Variants in RGS7 observed in about 807,000 individuals in gnomAD.
RGS7 encodes regulator of G protein signaling 7.
A neutral mutation model predicts 81.1 loss-of-function variants in RGS7; 27 were observed. That is an observed-to-expected ratio of 0.33 (90% confidence interval 0.25 to 0.46). RGS7 has a LOEUF of 0.46. Among genes scored for constraint, RGS7 ranks in the 20% least tolerant of loss-of-function variants. The probability of loss-of-function intolerance (pLI) is 1.00; values close to 1 mark genes in which losing one functional copy is unlikely to be tolerated. For missense variants in RGS7, 396 were observed against 607.4 expected, an observed-to-expected ratio of 0.65 and a Z score of 3.66; for synonymous variants, 208 against 207.7, an observed-to-expected ratio of 1.00 and a Z score of -0.01.
At chr1:241,275,897 A>C (rs1217039128) in intron 2 of RGS7, among the ~76,000 whole-genome samples, 1 of 152,256 alleles carries the variant, frequency 6.6e-6, no homozygotes, top group African/African-American at 2.4e-5. Flanking sequence ...GAGGTCTGGC[A>C]GCTGAGGCAA....
At chr1:241,079,323 C>A (rs2063004115) in intron 3 of RGS7, among the ~76,000 whole-genome samples, 1 of 152,148 alleles carries the variant, frequency 6.6e-6, no homozygotes, top group Non-Finnish European at 1.5e-5. Context: ...GTGTGCCAAA[C>A]ACTGATTACT....
At chr1:241,043,091 C>G (rs1391647582) in intron 3 of RGS7, among the ~76,000 whole-genome samples, 1 of 151,806 alleles carries the variant, frequency 6.6e-6, no homozygotes, top group African/African-American at 2.4e-5. Context: ...GCTCAAATGA[C>G]TTTAATCTCA....
At chr1:241,126,056 C>G (rs1415377007) in intron 2 of RGS7, among the ~76,000 whole-genome samples, 1 of 152,050 alleles carries the variant, frequency 6.6e-6, no homozygotes, top group African/African-American at 2.4e-5. Context: ...TAGAAGATAA[C>G]GTTGCCTTAC....
chr1:241,140,994 A>ACAATTCCCACCACCTT (rs1211541695), intron 2 of RGS7, among the ~76,000 whole-genome samples: 48 of 152,250 alleles, frequency 3.2e-4, no homozygotes, highest in African/African-American at 1.1e-3. Flanking sequence ...GCAGTAGGAG[A>ACAATTCCCACCACCTT]CAATTCCCAC....
intron 4 of RGS7, among the ~76,000 whole-genome samples, chr1:240,961,432 G>C (rs1033020856): frequency 2.0e-5 from 3 of 152,082 alleles, no homozygotes; most frequent in Non-Finnish European, 2.9e-5. Context: ...TCTATTATCA[G>C]GGAGCTCAAT....
intron 2 of RGS7, among the ~76,000 whole-genome samples, chr1:241,157,944 G>A (rs1173096575): frequency 1.3e-5 from 2 of 151,068 alleles, no homozygotes; most frequent in Admixed American, 6.6e-5. Context: ...AGCCTCCCGA[G>A]TAGGTGTGAC....
chr1:240,887,094 C>T (rs568619755), intron 6 of RGS7, among the ~76,000 whole-genome samples: 23 of 152,022 alleles, frequency 1.5e-4, no homozygotes, highest in East Asian at 3.9e-4. Context: ...TAACTACAGA[C>T]GGAAAGTAAT....
chr1:240,869,099 T>C (rs561339370), intron 7 of RGS7, among the ~76,000 whole-genome samples: 2 of 152,262 alleles, frequency 1.3e-5, no homozygotes, highest in South Asian at 4.1e-4. Flanking sequence ...AGAACAGGAC[T>C]ACAAACCCAA....
intron 2 of RGS7, among the ~76,000 whole-genome samples, chr1:241,197,949 C>A (rs866258155): frequency 6.6e-6 from 1 of 151,568 alleles, no homozygotes; most frequent in South Asian, 2.1e-4. Flanking sequence ...ATCTATCTAT[C>A]TATCTATCTA....
At chr1:241,065,050 T>C (rs1472784827) in intron 3 of RGS7, among the ~76,000 whole-genome samples, 2 of 152,112 alleles carry the variant, frequency 1.3e-5, no homozygotes, top group Non-Finnish European at 2.9e-5. Flanking sequence ...AGAGAAACCA[T>C]GGATTTTAGA....
intron 2 of RGS7, among the ~76,000 whole-genome samples, chr1:241,177,493 T>A (rs941154516): frequency 1.3e-5 from 2 of 152,150 alleles, no homozygotes; most frequent in African/African-American, 4.8e-5. Context: ...AATTTGGGTT[T>A]TATTGTAAAT....
At chr1:241,175,331 G>A in intron 2 of RGS7, among the ~76,000 whole-genome samples, 1 of 152,164 alleles carries the variant, frequency 6.6e-6, no homozygotes, top group Non-Finnish European at 1.5e-5. Context: ...GAAGTCAGTG[G>A]TGGGAGATGA....
intron 2 of RGS7, among the ~76,000 whole-genome samples, chr1:241,156,621 T>C (rs2069177412): frequency 6.8e-6 from 1 of 146,276 alleles, no homozygotes; most frequent in African/African-American, 2.5e-5. Context: ...GGAGGGGAAA[T>C]CCCTTCACCG....
chr1:241,263,409 A>G (rs2077435943), intron 2 of RGS7, among the ~76,000 whole-genome samples: 1 of 152,170 alleles, frequency 6.6e-6, no homozygotes, highest in African/African-American at 2.4e-5. Context: ...CCGGTTAGGA[A>G]CTTATATTTT....
intron 2 of RGS7, among the ~76,000 whole-genome samples, chr1:241,122,785 A>G (rs888843395): frequency 2.0e-5 from 3 of 152,188 alleles, no homozygotes; most frequent in African/African-American, 7.2e-5. Context: ...TCTAAGACAA[A>G]GCCTATTTTA....
intron 11 of RGS7, 29 bp from the exon 12 acceptor site, chr1:240,814,806 A>G: frequency 7.4e-7 from 1 of 1,355,818 alleles, no homozygotes; most frequent in East Asian, 2.3e-5. Flanking sequence ...AAGGAGTTAC[A>G]TAAGTAATGA....
At chr1:241,259,650 C>CAAAAAAAAAAA (rs71571832) in intron 2 of RGS7, among the ~76,000 whole-genome samples, 43 of 39,888 alleles carry the variant, frequency 1.1e-3, no homozygotes, top group African/African-American at 4.5e-3. Context: ...AACTCCGTCT[C>CAAAAAAAAAAA]AAAAAAAAAA....
rs2077914917 is a variant in RGS7, at chr1:241,271,878, T to G, written c.78+83821A>C. ...CTCCACAATCACACAAGCCAAATCT[T>G]TATAACGTGTGTGTGTGTGTGTGTG... On this transcript the variant is annotated intron_variant, in intron 2 of 18. Coordinates refer to ENST00000440928, the MANE Select transcript of RGS7 (RefSeq NM_001364886.1). The surrounding 1 kb of genome is among the most constrained non-coding windows in gnomAD (Gnocchi z 4.6). 1.5e-5 allele frequency among the ~76,000 whole-genome samples: 2 copies of G among 131,636 alleles called. No individual in the cohort carries two copies. Among genetic ancestry groups the G allele is most frequent in the South Asian group, 5.4e-4 (2 of 3,700 alleles). 86.4% of individuals were successfully genotyped at this position (131,636 alleles called of 152,430 possible). A position where few individuals can be genotyped will look rare whatever the true frequency, so the allele number is the denominator to read the frequency against.
intron 2 of RGS7, among the ~76,000 whole-genome samples, chr1:241,294,168 T>C (rs2148465483): frequency 6.6e-6 from 1 of 152,280 alleles, no homozygotes; most frequent in East Asian, 1.9e-4. Context: ...GAAGCCATCA[T>C]TCTCAGCAAA....
Sources: gnomAD v4.1 joint callset for allele counts (sites outside exome capture counted in the v4.1 genomes callset) on GRCh38, gnomAD v4.1.1 for gene constraint, Gnocchi (gnomAD v3.1) non-coding constraint, MANE v1.5 for transcripts, NCBI Gene and HGNC (gene_info 2026-07-23, HGNC 2026-07-21) for gene names.